COX6C: variants seen among roughly 807,000 people sequenced by gnomAD.
COX6C encodes the protein cytochrome c oxidase polypeptide VIc.
A neutral mutation model predicts 6.9 loss-of-function variants in COX6C; 3 were observed. The ratio of observed to expected loss-of-function variants is 0.43; its 90% CI spans 0.20 to 1.12. The LOEUF (loss-of-function observed/expected upper bound fraction) is 1.12, where lower values mean the gene tolerates loss of function less well. Among genes scored for constraint, COX6C ranks in the 50% most tolerant of loss-of-function variants. The probability of loss-of-function intolerance (pLI) is 0.27; values close to 1 mark genes in which losing one functional copy is unlikely to be tolerated. For synonymous variants in COX6C, 32 were observed against 32.0 expected (o/e 1.00, Z 0.00); for missense variants, 101 against 97.3 (o/e 1.04, Z -0.16).
intron 2 of COX6C, among the ~76,000 whole-genome samples, chr8:99,891,484 A>G (rs1180583531): frequency 1.3e-5 from 2 of 152,212 alleles, no homozygotes; most frequent in African/African-American, 2.4e-5. Flanking sequence ...CAAAGAAAGA[A>G]AAAGGAAAGA....
intron 2 of COX6C, among the ~76,000 whole-genome samples, chr8:99,889,761 C>T (rs976190477): frequency 6.6e-6 from 1 of 152,030 alleles, no homozygotes; most frequent in African/African-American, 2.4e-5. Flanking sequence ...TCCTGAGTAG[C>T]TAGGGCCACA....
chr8:99,879,914 A>T (rs1207512782), intron 3 of COX6C, among the ~76,000 whole-genome samples: 1 of 152,234 alleles, frequency 6.6e-6, no homozygotes, highest in African/African-American at 2.4e-5. Flanking sequence ...AGGGGAACAC[A>T]GACCTACAGA....
chr8:99,887,278 C>A, intron 3 of COX6C: 1 of 364,276 alleles, frequency 2.7e-6, no homozygotes, highest in Non-Finnish European at 5.0e-6. Context: ...GTCATTGGTG[C>A]TCCCCCACAT....
At chr8:99,891,604 G>A (rs1818033498) in intron 2 of COX6C, among the ~76,000 whole-genome samples, 1 of 152,178 alleles carries the variant, frequency 6.6e-6, no homozygotes, top group Non-Finnish European at 1.5e-5. Flanking sequence ...ACCCTGTGAA[G>A]ACAAAGGGAG....
chr8:99,884,671 C>T (rs1317856497), intron 3 of COX6C, among the ~76,000 whole-genome samples: 1 of 152,192 alleles, frequency 6.6e-6, no homozygotes, highest in Admixed American at 6.5e-5. Flanking sequence ...TGATATGTTT[C>T]AAGACCCTTC....
At chr8:99,879,911 C>T (rs1003012751) in intron 3 of COX6C, among the ~76,000 whole-genome samples, 3 of 152,110 alleles carry the variant, frequency 2.0e-5, no homozygotes, top group Non-Finnish European at 2.9e-5. Context: ...TGCAGGGGAA[C>T]ACAGACCTAC....
chr8:99,879,339 TAACA>T (rs1817818661), intron 3 of COX6C, among the ~76,000 whole-genome samples: 1 of 152,196 alleles, frequency 6.6e-6, no homozygotes, highest in Non-Finnish European at 1.5e-5. Flanking sequence ...GACACCCACC[TAACA>T]AACTATACTG....
rs2131012803 is a variant in COX6C at position 99,892,137 on chromosome 8, A to C, written c.-31-85T>G. The C allele has an allele frequency of 5.5e-6, 4 of 721,268 alleles. No homozygotes were observed. The East Asian group carries it at 1.0e-4, about 19-fold the overall frequency. The allele number at this position is 721,268 out of a possible 1,614,324, so 44.7% of individuals were successfully genotyped here. A position where few individuals can be genotyped will look rare whatever the true frequency, so the allele number is the denominator to read the frequency against. ...ATGGCCACCTGGAAGCATTGATTGG[A>C]GCTGCCCTGAATATACACTCCGATT... On this transcript the variant is annotated intron_variant, in intron 1 of 3. Transcript: ENST00000520468.
At chr8:99,885,099 C>T (rs145550164) in intron 3 of COX6C, among the ~76,000 whole-genome samples, 1 of 152,322 alleles carries the variant, frequency 6.6e-6, no homozygotes, top group African/African-American at 2.4e-5. Context: ...GATTTTAAAG[C>T]ATACTACAAA....
At chr8:99,889,511 G>A (rs993723547) in intron 2 of COX6C, among the ~76,000 whole-genome samples, 12 of 151,378 alleles carry the variant, frequency 7.9e-5, no homozygotes, top group Admixed American at 3.3e-4. Flanking sequence ...TCAGCCTGCC[G>A]AGCAGCTGGG....
intron 3 of COX6C, chr8:99,885,889 T>G (rs1817936801): frequency 1.3e-5 from 2 of 152,056 alleles, no homozygotes; most frequent in Admixed American, 6.6e-5. Context: ...GGGGTTAATA[T>G]CCAGAATATA....
intron 3 of COX6C, among the ~76,000 whole-genome samples, chr8:99,884,440 T>C (rs1432044726): frequency 6.6e-6 from 1 of 152,172 alleles, no homozygotes; most frequent in East Asian, 1.9e-4. Context: ...ACTTAAACAC[T>C]GACCTAGATG....
chr8:99,888,365 A>G (rs142234153), intron 2 of COX6C, among the ~76,000 whole-genome samples: 2,560 of 152,040 alleles, frequency 0.017, 67 homozygotes, highest in African/African-American at 0.058. Context: ...AAGGTCAGGA[A>G]TTGGAGACCA....
chr8:99,892,077 T>G, intron 1 of COX6C, 25 bp from the exon 2 acceptor site: 1 of 1,373,980 alleles, frequency 7.3e-7, no homozygotes, highest in Non-Finnish European at 1.0e-6. Context: ...AAAATATGAT[T>G]AAGTACAGAG....
intron 2 of COX6C, among the ~76,000 whole-genome samples, chr8:99,890,001 G>C (rs1357736861): frequency 2.0e-5 from 3 of 151,992 alleles, no homozygotes; most frequent in Non-Finnish European, 4.4e-5. Context: ...GGCTGAGGCA[G>C]GAGAATGGCG....
rs1165348836 is a variant in COX6C at position 99,879,758 on chromosome 8, C to T, written c.*16-1493G>A. Among the ~76,000 whole-genome samples the T allele has an allele frequency of 2.6e-5, 4 of 152,284 alleles. No individual in the cohort carries two copies. The East Asian group carries it at 7.7e-4, about 29-fold the overall frequency. ...TAAGGTAAAGAATGAAACTGACCTACAATGTTCTGGTTTGTGTGGAGCTGC... is the reference window on the plus strand; with the variant it reads ...TAAGGTAAAGAATGAAACTGACCTATAATGTTCTGGTTTGTGTGGAGCTGC... On this transcript the variant is annotated intron_variant, in intron 3 of 3. Coordinates refer to ENST00000520468, the MANE Select transcript of COX6C (RefSeq NM_004374.4).
intron 2 of COX6C, among the ~76,000 whole-genome samples, chr8:99,889,970 T>A (rs942295027): frequency 6.6e-6 from 1 of 151,836 alleles, no homozygotes; most frequent in East Asian, 2.0e-4. Flanking sequence ...GGCGGACGCC[T>A]GTAGTCCCAG....
At chr8:99,879,906 G>A (rs184511853) in intron 3 of COX6C, among the ~76,000 whole-genome samples, 77 of 152,270 alleles carry the variant, frequency 5.1e-4, no homozygotes, top group Non-Finnish European at 9.6e-4. Context: ...TGAGCTGCAG[G>A]GGAACACAGA....
At chr8:99,886,071 C>T (rs888513490) in intron 3 of COX6C, 1 of 152,180 alleles carries the variant, frequency 6.6e-6, no homozygotes, top group African/African-American at 2.4e-5. Flanking sequence ...CACCTCATAC[C>T]TATTAGGATG....
Sources: allele counts gnomAD v4.1 joint callset (sites outside exome capture counted in the v4.1 genomes callset), GRCh38; gene constraint gnomAD v4.1.1; transcripts MANE v1.5; gene names NCBI Gene and HGNC (gene_info 2026-07-23, HGNC 2026-07-21).